Variants in LRRC9 observed in about 807,000 individuals in gnomAD.
The protein encoded by LRRC9 is leucine-rich repeat-containing protein 9.
Under a neutral mutation model 63.2 loss-of-function variants are expected in LRRC9, and 122 were observed. That is an observed-to-expected ratio of 1.93 (90% CI 1.67 to 2.24). LRRC9 has a LOEUF of 2.24. Among genes scored for constraint, LRRC9 ranks in the 30% most tolerant of loss-of-function variants. LRRC9 has a pLI of 0.00. For missense variants in LRRC9, 1,071 were observed against 627.7 expected, an observed-to-expected ratio of 1.71 and a Z score of -7.55; for synonymous variants, 366 against 213.1, an observed-to-expected ratio of 1.72 and a Z score of -6.25.
At chr14:60,016,876 C>A in intron 24 of LRRC9, 86 bp downstream of exon 24, 1 of 551,176 alleles carries the variant, frequency 1.8e-6, no homozygotes, top group South Asian at 2.6e-5. Context: ...ATTTATACAA[C>A]TTACCTAAAT....
intron 8 of LRRC9, among the ~76,000 whole-genome samples, chr14:59,957,915 G>C (rs1391910295): frequency 6.6e-6 from 1 of 152,186 alleles, no homozygotes; most frequent in African/African-American, 2.4e-5. Flanking sequence ...GTTTGCTGGA[G>C]GTCAACTCCA....
At chr14:60,019,314 G>T in intron 26 of LRRC9, 54 bp downstream of exon 26, 1 of 633,666 alleles carries the variant, frequency 1.6e-6, no homozygotes, top group Non-Finnish European at 2.8e-6. Flanking sequence ...AATTTTAAAA[G>T]CAGTTAATCA....
chr14:60,019,015 T>TTTTA, intron 25 of LRRC9, 106 bp from the exon 26 acceptor site: 1 of 497,614 alleles, frequency 2.0e-6, no homozygotes, highest in African/African-American at 2.0e-5. Context: ...ACATTTGTTG[T>TTTTA]TTTAGCACTA....
intron 29 of LRRC9, among the ~76,000 whole-genome samples, chr14:60,044,792 G>T (rs907814493): frequency 2.0e-5 from 3 of 152,192 alleles, no homozygotes; most frequent in Non-Finnish European, 4.4e-5. Context: ...ATAAATGTCA[G>T]TTAGGCCTGT....
chr14:60,065,108 G>A (rs746974916), downstream of LRRC9, among the ~76,000 whole-genome samples: 13 of 152,046 alleles, frequency 8.6e-5, no homozygotes, highest in Admixed American at 1.3e-4. Flanking sequence ...TGAGCCGGGC[G>A]CAGTGGCTCA....
intron 29 of LRRC9, among the ~76,000 whole-genome samples, chr14:60,033,262 T>A (rs1416880878): frequency 6.6e-6 from 1 of 152,154 alleles, no homozygotes; most frequent in Admixed American, 6.6e-5. Flanking sequence ...TATCTGCAAA[T>A]TTGACTATCA....
Position 59,962,240 on chromosome 14 carries a change from C to G in LRRC9, c.1211+1195C>G, listed in dbSNP as rs971145918. ...TGTATTAGTACATCCATTTGCCCAGCAGTTACTACTGTTTGCTTAACCACA... is the reference window on the plus strand; with the variant it reads ...TGTATTAGTACATCCATTTGCCCAGGAGTTACTACTGTTTGCTTAACCACA... On this transcript the variant is annotated intron_variant, in intron 10 of 31. Coordinates refer to ENST00000445360, the Ensembl canonical transcript of LRRC9. The surrounding 1 kb of genome is among the most constrained non-coding windows in gnomAD (Gnocchi z 5.1). 6.6e-6 allele frequency among the ~76,000 whole-genome samples: 1 copy of G among 152,166 alleles called. No homozygotes were observed. Among genetic ancestry groups the G allele is most frequent in the African/African-American group, 2.4e-5 (1 of 41,444 alleles).
Position 60,051,639 on chromosome 14 carries a change from C to A in LRRC9, c.3991-1426C>A, listed in dbSNP as rs954146858. 2.6e-5 allele frequency among the ~76,000 whole-genome samples: 4 copies of A among 152,154 alleles called. No individual in the cohort carries two copies. Among genetic ancestry groups the A allele is most frequent in the Non-Finnish European group, 4.4e-5 (3 of 68,024 alleles). ...GTGCCATGAAACTGAGGCCTGCAGA[C>A]CGACACTGCTTGGCTCCCTGGATTC... is the stretch of plus-strand genomic sequence containing the variant. On this transcript the variant is annotated intron_variant, in intron 29 of 31. Coordinates refer to ENST00000445360, the Ensembl canonical transcript of LRRC9. The surrounding 1 kb of genome is among the most constrained non-coding windows in gnomAD (Gnocchi z 4.7).
Position 59,927,105 on chromosome 14 carries a change from A to G in LRRC9, c.-33-806A>G, listed in dbSNP as rs1410851969. Among the ~76,000 whole-genome samples the G allele has an allele frequency of 6.6e-6, 1 of 152,090 alleles. No homozygotes were observed. Among genetic ancestry groups the G allele is most frequent in the Admixed American group, 6.6e-5 (1 of 15,260 alleles). On this transcript the variant is annotated intron_variant, in intron 1 of 31. Coordinates refer to ENST00000445360, the Ensembl canonical transcript of LRRC9. The surrounding 1 kb of genome is among the most constrained non-coding windows in gnomAD (Gnocchi z 4.4). ...TTAACAACTTAGTATATATCTTTCCATATTTTCTCCTGACAATAATTATAC... is the reference window on the plus strand; with the variant it reads ...TTAACAACTTAGTATATATCTTTCCGTATTTTCTCCTGACAATAATTATAC...
At chr14:59,989,363 A>G (rs1310923452) in intron 17 of LRRC9, among the ~76,000 whole-genome samples, 1 of 151,452 alleles carries the variant, frequency 6.6e-6, no homozygotes, top group African/African-American at 2.4e-5. Context: ...TTCATTTCTT[A>G]TCTTAAATTT....
intron 17 of LRRC9, among the ~76,000 whole-genome samples, chr14:59,993,987 C>T (rs1201288871): frequency 6.6e-6 from 1 of 152,158 alleles, no homozygotes; most frequent in African/African-American, 2.4e-5. Flanking sequence ...CAGAACTCTC[C>T]ACCCCAAATC....
intron 1 of LRRC9, among the ~76,000 whole-genome samples, chr14:59,925,772 G>A (rs1238069991): frequency 6.6e-6 from 1 of 152,016 alleles, no homozygotes; most frequent in Non-Finnish European, 1.5e-5. Context: ...AGAATTGTTT[G>A]GTGAAACTTC....
chr14:60,054,414 G>A (rs929471882), intron 30 of LRRC9, among the ~76,000 whole-genome samples: 2 of 151,774 alleles, frequency 1.3e-5, no homozygotes, highest in African/African-American at 4.8e-5. Flanking sequence ...CCCTTCCAAC[G>A]CCCTCCCCCA....
intron 15 of LRRC9, among the ~76,000 whole-genome samples, chr14:59,980,289 T>G (rs1449074909): frequency 1.3e-5 from 2 of 152,170 alleles, no homozygotes; most frequent in Non-Finnish European, 2.9e-5. Flanking sequence ...ATTGTTAAAA[T>G]TATTTGCATA....
intron 10 of LRRC9, among the ~76,000 whole-genome samples, chr14:59,961,907 AC>A (rs1452413295): frequency 1.3e-5 from 2 of 152,206 alleles, no homozygotes; most frequent in Admixed American, 1.3e-4. Context: ...ATGGAAATAC[AC>A]CAGGAGACAT....
At chr14:60,034,229 G>A (rs772547138) in intron 29 of LRRC9, among the ~76,000 whole-genome samples, 6 of 151,732 alleles carry the variant, frequency 4.0e-5, no homozygotes, top group Non-Finnish European at 7.4e-5. Context: ...ATGTTGGCCA[G>A]CATGGTCTTA....
At chr14:59,960,628 A>C (rs1456591735) in intron 9 of LRRC9, among the ~76,000 whole-genome samples, 1 of 152,240 alleles carries the variant, frequency 6.6e-6, no homozygotes, top group African/African-American at 2.4e-5. Context: ...GAGAAAACTG[A>C]GGCATAAAAA....
At chr14:60,043,759 T>C (rs1893166979) in intron 29 of LRRC9, among the ~76,000 whole-genome samples, 1 of 143,222 alleles carries the variant, frequency 7.0e-6, no homozygotes, top group African/African-American at 2.7e-5. Flanking sequence ...TCTTTTCCTT[T>C]TTTTTTTTTT....
chr14:60,007,068 G>C (rs1214915602), intron 22 of LRRC9, among the ~76,000 whole-genome samples: 3 of 152,144 alleles, frequency 2.0e-5, no homozygotes, highest in Non-Finnish European at 4.4e-5. Context: ...CACAGAACAG[G>C]AATTTACTTC....
Sources: gnomAD v4.1 joint callset for allele counts (sites outside exome capture counted in the v4.1 genomes callset) on GRCh38, gnomAD v4.1.1 for gene constraint, Gnocchi (gnomAD v3.1) non-coding constraint, MANE v1.5 for transcripts, NCBI Gene and HGNC (gene_info 2026-07-23, HGNC 2026-07-21) for gene names.